RAF1: variants seen among roughly 807,000 people sequenced by gnomAD.
RAF1 encodes Raf-1 proto-oncogene, serine/threonine kinase.
A neutral mutation model predicts 81.1 loss-of-function variants in RAF1; 27 were observed. The observed-to-expected ratio is 0.33, with a 90% CI of 0.25 to 0.46. The LOEUF (loss-of-function observed/expected upper bound fraction) is 0.46. Ranked by LOEUF, RAF1 falls within the 20% of genes least tolerant of loss-of-function variation. RAF1 has a pLI of 1.00. For synonymous variants in RAF1, 298 were observed against 294.0 expected, an observed-to-expected ratio of 1.01 and a Z score of -0.14; for missense variants, 598 against 826.0, an observed-to-expected ratio of 0.72 and a Z score of 3.38.
intron 1 of RAF1, among the ~76,000 whole-genome samples, chr3:12,634,233 G>A (rs914938363): frequency 1.4e-4 from 21 of 148,934 alleles, no homozygotes; most frequent in South Asian, 4.2e-4. Flanking sequence ...TGCAGCCTCC[G>A]CCTCCCAGGT....
In RAF1 at chr3:12,608,876, T is replaced by C. The variant is rs1001494773; in HGVS notation, c.471A>G (p.Lys157=). 6.2e-7 allele frequency: 1 copy of C among 1,614,044 alleles called. No homozygotes were observed. Among genetic ancestry groups the C allele is most frequent in the African/African-American group, 1.3e-5 (1 of 74,918 alleles). Residue 157 remains lysine (K), a synonymous_variant, in exon 5 of 18, where the codon AAA becomes AAG. Coordinates refer to ENST00000442415, the MANE Select transcript of RAF1 (RefSeq NM_001354689.3). ...GACATCGAAATCCATTGAGCAGGAA[T>C]TTCTGACAGATGTCACAGAAGGCAA...
At chr3:12,598,056 C>A (rs1306810609) in intron 11 of RAF1, among the ~76,000 whole-genome samples, 1 of 144,016 alleles carries the variant, frequency 6.9e-6, no homozygotes, top group Non-Finnish European at 1.5e-5. Context: ...TTCACCCAGG[C>A]TGGAGTACAG....
At chr3:12,661,564 G>A (rs4234513) in intron 1 of RAF1, among the ~76,000 whole-genome samples, 72,591 of 151,650 alleles carry the variant, frequency 0.48, 18,053 homozygotes, top group East Asian at 0.91. Context: ...AAAATCAGCC[G>A]GGCGTGGTGG....
At chr3:12,609,167 G>C (rs2125419153) in intron 4 of RAF1, 66 bp downstream of exon 4, 1 of 1,268,554 alleles carries the variant, frequency 7.9e-7, no homozygotes, top group Non-Finnish European at 1.2e-6. Flanking sequence ...CATATTACCT[G>C]AGAAATCTCT....
intron 2 of RAF1, among the ~76,000 whole-genome samples, 198 bp from the exon 3 acceptor site, chr3:12,612,260 G>A (rs1170689024): frequency 1.3e-5 from 2 of 152,168 alleles, no homozygotes; most frequent in Non-Finnish European, 2.9e-5. Context: ...ACATTATGCA[G>A]CTATTATATT....
chr3:12,622,709 A>G (rs1193501829), intron 1 of RAF1, among the ~76,000 whole-genome samples: 1 of 152,204 alleles, frequency 6.6e-6, no homozygotes, highest in Non-Finnish European at 1.5e-5. Flanking sequence ...AACCCTGCCA[A>G]TCTTGCTCAG....
chr3:12,635,560 T>C (rs1257491629), intron 1 of RAF1, among the ~76,000 whole-genome samples: 9 of 134,506 alleles, frequency 6.7e-5, no homozygotes, highest in African/African-American at 2.3e-4. Flanking sequence ...CCCTTGAATC[T>C]GGGAAGCAGA....
rs1320765376 is a variant in RAF1, at chr3:12,643,874, T to C, written c.-27+19939A>G. The stretch of plus-strand genomic sequence containing the variant: ...CTGATGCTCATAATCCAGAAGAATA[T>C]AGGGTTGTGATAAAGGCATTTTCAA... On this transcript the variant is annotated intron_variant, in intron 1 of 17. Coordinates refer to ENST00000442415, the MANE Select transcript of RAF1 (RefSeq NM_001354689.3). Among the ~76,000 whole-genome samples, 10 of 152,288 alleles carry C rather than the reference T, an allele frequency of 6.6e-5. No homozygotes were observed. In the East Asian group the frequency reaches 1.9e-3, roughly 29 times the overall value.
In RAF1 at chr3:12,618,598, C is replaced by T. The variant is rs200856000; in HGVS notation, c.124G>A (p.Ala42Thr). Reference sequence around the variant, plus strand: ...TCTGTGAGTTTGCCATCATCTGATGCCCGGCGCTGATAGCCAAACTGCTGA... The same window carrying T: ...TCTGTGAGTTTGCCATCATCTGATGTCCGGCGCTGATAGCCAAACTGCTGA... The change falls in exon 2 of 18, where the codon GCA (alanine) becomes ACA (threonine). Residue 42 changes from alanine (A) to threonine (T), a missense_variant. Coordinates refer to ENST00000442415, the MANE Select transcript of RAF1 (RefSeq NM_001354689.3). 2.2e-4 allele frequency: 351 copies of T among 1,614,164 alleles called. No individual in the cohort carries two copies. Among genetic ancestry groups the T allele is most frequent in the Middle Eastern group, 1.5e-3 (9 of 6,062 alleles).
chr3:12,600,343 G>C, intron 9 of RAF1, 45 bp downstream of exon 8: 1 of 1,613,752 alleles, frequency 6.2e-7, no homozygotes, highest in Non-Finnish European at 8.5e-7. Flanking sequence ...ACCGCATAAA[G>C]AAAAAAAGCC....
At chr3:12,644,461 TA>T (rs1425667652) in intron 1 of RAF1, among the ~76,000 whole-genome samples, 2 of 152,220 alleles carry the variant, frequency 1.3e-5, no homozygotes, top group African/African-American at 4.8e-5. Flanking sequence ...CAATTCTGAC[TA>T]ATGCAGCAAG....
chr3:12,634,384 C>T (rs1054798640), intron 1 of RAF1, among the ~76,000 whole-genome samples: 1 of 151,770 alleles, frequency 6.6e-6, no homozygotes, highest in African/African-American at 2.4e-5. Context: ...CTCCTGATCT[C>T]AGGTGATCCA....
chr3:12,646,664 C>T (rs931149760), intron 1 of RAF1, among the ~76,000 whole-genome samples: 1 of 151,924 alleles, frequency 6.6e-6, no homozygotes, highest in Admixed American at 6.6e-5. Context: ...GATTCTCCTG[C>T]CTCAGCCTCC....
chr3:12,620,305 T>C (rs1293401047), intron 1 of RAF1, among the ~76,000 whole-genome samples: 5 of 152,012 alleles, frequency 3.3e-5, no homozygotes, highest in Non-Finnish European at 7.4e-5. Context: ...CGACTGATTT[T>C]TGTATTTTTA....
rs2058252602 is a variant in RAF1 at position 12,584,476 on chromosome 3, C to T, written c.*38G>A. The stretch of plus-strand genomic sequence containing the variant: ...GAAAAGTGGTGCCTGCTGGCTTCTC[C>T]TCCTCCCCTGGCAGCCTGAAGACAG... On this transcript the variant is annotated 3_prime_UTR_variant, in exon 18 of 18. Transcript: ENST00000442415. 1.2e-6 allele frequency: 2 copies of T among 1,613,820 alleles called. No individual in the cohort carries two copies. Among genetic ancestry groups the T allele is most frequent in the African/African-American group, 2.7e-5 (2 of 74,916 alleles).
chr3:12,623,646 T>C (rs943941472), intron 1 of RAF1, among the ~76,000 whole-genome samples: 6 of 151,614 alleles, frequency 4.0e-5, no homozygotes, highest in Non-Finnish European at 7.4e-5. Flanking sequence ...TACAAAAAAT[T>C]AGCCGGGCGT....
chr3:12,592,754 G>A, intron 11 of RAF1, among the ~76,000 whole-genome samples: 1 of 30,290 alleles, frequency 3.3e-5, no homozygotes, highest in Non-Finnish European at 6.6e-5. Context: ...TTTTTTTTTT[G>A]AGACAGAGTC....
intron 1 of RAF1, among the ~76,000 whole-genome samples, chr3:12,652,876 G>A (rs1559490167): frequency 6.6e-6 from 1 of 151,852 alleles, no homozygotes; most frequent in Non-Finnish European, 1.5e-5. Flanking sequence ...AGGTTGCAGT[G>A]AGTACAGTGA....
intron 1 of RAF1, among the ~76,000 whole-genome samples, chr3:12,633,934 C>CAAAAAAAAAAAAAAAACAAA (rs2059939030): frequency 2.1e-5 from 2 of 95,542 alleles, no homozygotes; most frequent in African/African-American, 3.7e-5. Flanking sequence ...AAAACTCTCT[C>CAAAAAAAAAAAAAAAACAAA]AAAAAAAAAA....
Sources: gnomAD v4.1 joint callset for allele counts (sites outside exome capture counted in the v4.1 genomes callset) on GRCh38, gnomAD v4.1.1 for gene constraint, MANE v1.5 for transcripts, NCBI Gene and HGNC (gene_info 2026-07-23, HGNC 2026-07-21) for gene names.